Variants in XCR1 observed in about 807,000 individuals in gnomAD.
The protein encoded by XCR1 is chemokine XC receptor 1.
For missense variants in XCR1, 356 were observed against 424.2 expected, an observed-to-expected ratio of 0.84 and a Z score of 1.41; for synonymous variants, 187 against 188.5, an observed-to-expected ratio of 0.99 and a Z score of 0.06.
chr3:46,054,741 G>C (rs774915651), intron 4 of XCR1, among the ~76,000 whole-genome samples: 22 of 152,038 alleles, frequency 1.4e-4, no homozygotes, highest in Non-Finnish European at 5.9e-5. Context: ...TAAAACTAGA[G>C]GTTTATATAG....
At chr3:46,057,791 G>A (rs1341891205) in intron 4 of XCR1, among the ~76,000 whole-genome samples, 1 of 152,142 alleles carries the variant, frequency 6.6e-6, no homozygotes, top group African/African-American at 2.4e-5. Flanking sequence ...GCCCTGCAGA[G>A]TTTGGATTTC....
Position 46,078,246 on chromosome 3 carries a change from G to T in XCR1, c.-514-1320C>A, listed in dbSNP as rs575798971. Among the ~76,000 whole-genome samples the T allele has an allele frequency of 4.6e-5, 7 of 152,176 alleles. No individual in the cohort carries two copies. The South Asian group carries it at 1.2e-3, about 27-fold the overall frequency. ...TTGTGCCTCATCTTCTTCCTTTGGGGTCAGCATTTTTGGTGCCATGAGAAG... is the reference window on the plus strand; with the variant it reads ...TTGTGCCTCATCTTCTTCCTTTGGGTTCAGCATTTTTGGTGCCATGAGAAG... On this transcript the variant is annotated intron_variant, in intron 1 of 5. Coordinates refer to the XCR1 transcript ENST00000683768.
intron 5 of XCR1, among the ~76,000 whole-genome samples, chr3:46,047,253 C>T (rs370472543): frequency 6.1e-4 from 93 of 152,286 alleles, no homozygotes; most frequent in African/African-American, 2.1e-3. Context: ...TCTACAGACA[C>T]GATGAGTAAG....
intron 4 of XCR1, among the ~76,000 whole-genome samples, chr3:46,062,679 A>G (rs1224158096): frequency 6.6e-6 from 1 of 152,234 alleles, no homozygotes; most frequent in African/African-American, 2.4e-5. Flanking sequence ...TGAAATTCCA[A>G]CAGAACAGGA....
At chr3:46,023,787 T>TA in intron 1 of XCR1, 1 of 1,542,040 alleles carries the variant, frequency 6.5e-7, no homozygotes, top group Non-Finnish European at 8.9e-7. Context: ...CAGAAGATGA[T>TA]AAAACAATTA....
At chr3:46,052,033 C>CAA (rs1331386537) in intron 5 of XCR1, among the ~76,000 whole-genome samples, 2 of 118,730 alleles carry the variant, frequency 1.7e-5, no homozygotes, top group East Asian at 4.5e-4. Context: ...CTCAAAAAAA[C>CAA]AAAAACAAAA....
At chr3:46,037,649 T>A (rs950057216) in intron 5 of XCR1, among the ~76,000 whole-genome samples, 1 of 152,210 alleles carries the variant, frequency 6.6e-6, no homozygotes, top group African/African-American at 2.4e-5. Flanking sequence ...AAAGTTTAGA[T>A]AGTAAAATAT....
intron 5 of XCR1, among the ~76,000 whole-genome samples, chr3:46,038,928 A>C (rs1212758979): frequency 1.3e-5 from 2 of 152,090 alleles, no homozygotes; most frequent in Non-Finnish European, 2.9e-5. Context: ...TATTGATTGG[A>C]ATTTTTTTCA....
intron 4 of XCR1, among the ~76,000 whole-genome samples, chr3:46,061,705 G>A (rs1697965799): frequency 6.6e-6 from 1 of 152,186 alleles, no homozygotes; most frequent in Non-Finnish European, 1.5e-5. Flanking sequence ...CCTGCGAGGG[G>A]AAAGGAATAT....
intron 5 of XCR1, among the ~76,000 whole-genome samples, chr3:46,035,156 T>C (rs1697401801): frequency 6.6e-6 from 1 of 152,226 alleles, no homozygotes. Context: ...GGTTTCACCA[T>C]GTTGGTCAGG....
chr3:46,043,667 G>A (rs1445180727), intron 5 of XCR1, among the ~76,000 whole-genome samples: 1 of 150,184 alleles, frequency 6.7e-6, no homozygotes, highest in Non-Finnish European at 1.5e-5. Flanking sequence ...AGGATTGCTT[G>A]AGCTCAGGAG....
intron 4 of XCR1, among the ~76,000 whole-genome samples, chr3:46,059,243 T>A (rs1697917257): frequency 6.6e-6 from 1 of 152,148 alleles, no homozygotes; most frequent in South Asian, 2.1e-4. Flanking sequence ...ATTAGCTGAA[T>A]GAGGAAGAGA....
upstream of XCR1, chr3:46,027,828 C>A (rs1165475179): frequency 1.3e-5 from 2 of 152,242 alleles, no homozygotes; most frequent in African/African-American, 4.8e-5. Flanking sequence ...TTGGTCCTTA[C>A]CTTTTACCTG....
At chr3:46,064,092 C>CAAA (rs1481581173) in intron 4 of XCR1, among the ~76,000 whole-genome samples, 1 of 152,166 alleles carries the variant, frequency 6.6e-6, no homozygotes, top group Non-Finnish European at 1.5e-5. Context: ...ATCCTGGTCT[C>CAAA]AAACTCCTGG....
intron 5 of XCR1, among the ~76,000 whole-genome samples, chr3:46,049,618 A>G (rs1460820773): frequency 6.6e-6 from 1 of 152,138 alleles, no homozygotes; most frequent in African/African-American, 2.4e-5. Flanking sequence ...TGTGAGCTCT[A>G]ACACCTGAAT....
In XCR1 at chr3:46,020,770, A is replaced by T; in HGVS notation, c.*176T>A. On this transcript the variant is annotated 3_prime_UTR_variant, in exon 2 of 2. Transcript: ENST00000309285. ...CCCAGGTAGGAAGCCACTTTCCCGCAGATGAGAGGCTGGCGGGACCCACTG... is the reference window on the plus strand; with the variant it reads ...CCCAGGTAGGAAGCCACTTTCCCGCTGATGAGAGGCTGGCGGGACCCACTG... 1 of 874,488 alleles carries T rather than the reference A, an allele frequency of 1.1e-6. No individual in the cohort carries two copies. Among genetic ancestry groups the T allele is most frequent in the Non-Finnish European group, 1.7e-6 (1 of 596,536 alleles). The allele number at this position is 874,488 out of a possible 1,614,324, so 54.2% of individuals were successfully genotyped here. A position where few individuals can be genotyped will look rare whatever the true frequency, so the allele number is the denominator to read the frequency against.
At chr3:46,048,849 C>G (rs527333366) in intron 5 of XCR1, among the ~76,000 whole-genome samples, 5 of 152,174 alleles carry the variant, frequency 3.3e-5, no homozygotes, top group Non-Finnish European at 5.9e-5. Flanking sequence ...AGTTGGCCTC[C>G]TATACCCACT....
At chr3:46,081,243 G>A (rs1419209376) in intron 1 of XCR1, among the ~76,000 whole-genome samples, 2 of 152,120 alleles carry the variant, frequency 1.3e-5, no homozygotes, top group Non-Finnish European at 1.5e-5. Flanking sequence ...CACACCAATG[G>A]TATAATAAAA....
At chr3:46,083,531 G>A (rs1453413211) in intron 1 of XCR1, among the ~76,000 whole-genome samples, 5 of 152,102 alleles carry the variant, frequency 3.3e-5, no homozygotes, top group African/African-American at 1.2e-4. Context: ...TGGCCATCAA[G>A]AAGATAGCTC....
Sources: gnomAD v4.1 joint callset for allele counts (sites outside exome capture counted in the v4.1 genomes callset) on GRCh38, gnomAD v4.1.1 for gene constraint, MANE v1.5 for transcripts, NCBI Gene and HGNC (gene_info 2026-07-23, HGNC 2026-07-21) for gene names.